FAM3C: variants seen among roughly 807,000 people sequenced by gnomAD.
FAM3C encodes the protein FAM3 metabolism regulating signaling molecule C.
A neutral mutation model predicts 32.5 loss-of-function variants in FAM3C; 15 were observed. The observed-to-expected ratio is 0.46, with a 90% confidence interval of 0.31 to 0.71. FAM3C has a LOEUF of 0.71. Ranked by LOEUF, FAM3C falls within the 30% of genes least tolerant of loss-of-function variation. The pLI is 0.05. For missense variants in FAM3C, 175 were observed against 274.4 expected (o/e 0.64, Z 2.56); for synonymous variants, 75 against 86.1 (o/e 0.87, Z 0.72).
chr7:121,375,512 TG>T (rs1794221927), intron 3 of FAM3C, among the ~76,000 whole-genome samples: 2 of 152,020 alleles, frequency 1.3e-5, no homozygotes, highest in Non-Finnish European at 2.9e-5. Context: ...TTTAAGAAAA[TG>T]GCTCTGAAAG....
rs746460769 is a variant in FAM3C, at chr7:121,360,133, G to T, written c.383-6C>A. On this transcript the variant is annotated splice_polypyrimidine_tract_variant and splice_region_variant and intron_variant, in intron 7 of 9. Transcript: ENST00000359943. ...CTCAATAAATGGTGCCACATCTGAAGAAAAAGAAAGGGTTTAGGGTTTTAA... is the reference window on the plus strand; with the variant it reads ...CTCAATAAATGGTGCCACATCTGAATAAAAAGAAAGGGTTTAGGGTTTTAA... 1.3e-6 allele frequency: 2 copies of T among 1,526,778 alleles called. No individual in the cohort carries two copies. Among genetic ancestry groups the T allele is most frequent in the Non-Finnish European group, 1.8e-6 (2 of 1,101,614 alleles). 94.6% of individuals were successfully genotyped at this position (1,526,778 alleles called of 1,614,324 possible).
intron 2 of FAM3C, 100 bp from the exon 3 acceptor site, chr7:121,379,114 T>C (rs1474675820): frequency 3.0e-6 from 2 of 667,098 alleles, no homozygotes; most frequent in South Asian, 1.9e-5. Flanking sequence ...GATCAATACA[T>C]TTCTACTTTG....
At chr7:121,363,098 ATTACT>A (rs1333077678) in intron 6 of FAM3C, 151 bp from the exon 7 acceptor site, 1 of 523,106 alleles carries the variant, frequency 1.9e-6, no homozygotes, top group Non-Finnish European at 3.3e-6. Flanking sequence ...ATCTCAAAGA[ATTACT>A]TTGAGAACTT....
chr7:121,377,307 G>A (rs1464472928), intron 3 of FAM3C, among the ~76,000 whole-genome samples: 1 of 152,056 alleles, frequency 6.6e-6, no homozygotes. Flanking sequence ...AAATTACCCA[G>A]TCTGGCAAAT....
Position 121,360,139 on chromosome 7 carries a change from G to A in FAM3C, c.383-12C>T, listed in dbSNP as rs1354367270. On this transcript the variant is annotated splice_polypyrimidine_tract_variant and intron_variant, in intron 7 of 9. Transcript: ENST00000359943. ...AAATGGTGCCACATCTGAAGAAAAA[G>A]AAAGGGTTTAGGGTTTTAAAAAATG... 1 of 1,500,298 alleles carries A rather than the reference G, an allele frequency of 6.7e-7. No individual in the cohort carries two copies. The highest frequency in any genetic ancestry group is 9.3e-7 in the Non-Finnish European group (1 of 1,077,218). The allele number at this position is 1,500,298 out of a possible 1,614,324, so 92.9% of individuals were successfully genotyped here. A position where few individuals can be genotyped will look rare whatever the true frequency, so the allele number is the denominator to read the frequency against.
intron 2 of FAM3C, among the ~76,000 whole-genome samples, 187 bp downstream of exon 2, chr7:121,382,770 T>C (rs1277558331): frequency 2.6e-5 from 4 of 151,974 alleles, no homozygotes; most frequent in African/African-American, 7.2e-5. Flanking sequence ...AAAAAAAAAT[T>C]TATGTGATAC....
intron 5 of FAM3C, among the ~76,000 whole-genome samples, chr7:121,368,852 T>C (rs1004651877): frequency 4.0e-5 from 6 of 151,854 alleles, no homozygotes; most frequent in African/African-American, 9.7e-5. Context: ...AACTGTTCCA[T>C]AACCCTCAAT....
At chr7:121,360,926 T>A (rs1378517303) in intron 7 of FAM3C, among the ~76,000 whole-genome samples, 2 of 152,186 alleles carry the variant, frequency 1.3e-5, no homozygotes, top group Non-Finnish European at 2.9e-5. Flanking sequence ...ACAGCTTTTC[T>A]CCGATTCTCA....
At chr7:121,373,686 G>T (rs1794188916) in intron 3 of FAM3C, among the ~76,000 whole-genome samples, 1 of 152,032 alleles carries the variant, frequency 6.6e-6, no homozygotes, top group Non-Finnish European at 1.5e-5. Flanking sequence ...TATACCAATG[G>T]TTTAAATCTG....
intron 3 of FAM3C, among the ~76,000 whole-genome samples, chr7:121,376,286 T>C (rs991503191): frequency 2.6e-5 from 4 of 152,194 alleles, no homozygotes; most frequent in African/African-American, 9.7e-5. Flanking sequence ...GAGAAATGGC[T>C]GAAAGGGAGG....
Position 121,378,901 on chromosome 7 carries a change from A to G in FAM3C, c.118+9T>C. The G allele has an allele frequency of 7.1e-7, 1 of 1,413,216 alleles. No individual in the cohort carries two copies. Among genetic ancestry groups the G allele is most frequent in the Non-Finnish European group, 9.8e-7 (1 of 1,024,292 alleles). The allele number at this position is 1,413,216 out of a possible 1,614,324, so 87.5% of individuals were successfully genotyped here. A position where few individuals can be genotyped will look rare whatever the true frequency, so the allele number is the denominator to read the frequency against. On this transcript the variant is annotated intron_variant, in intron 3 of 9. Coordinates refer to ENST00000359943, the MANE Select transcript of FAM3C (RefSeq NM_014888.3). ...ATAAGATTTAAGAAAGGAAAAAAAT[A>G]AAACTTACCAAATAGATTTCCTAAA... is the stretch of plus-strand genomic sequence containing the variant.
intron 5 of FAM3C, among the ~76,000 whole-genome samples, chr7:121,370,203 G>T (rs554035133): frequency 6.6e-6 from 1 of 152,222 alleles, no homozygotes; most frequent in Non-Finnish European, 1.5e-5. Flanking sequence ...AAGACAAATG[G>T]ATTAACAATA....
chr7:121,395,242 CATATATATGGATACATACAT>C (rs1794661667), intron 1 of FAM3C, among the ~76,000 whole-genome samples: 2 of 47,080 alleles, frequency 4.2e-5, no homozygotes, highest in Non-Finnish European at 8.5e-5. Context: ...TACATACATA[CATATATATGGATACATACAT>C]ATATATGGAT....
rs536368432 is a variant in FAM3C at position 121,366,799 on chromosome 7, A to C, written c.273-2611T>G. 2.0e-5 allele frequency among the ~76,000 whole-genome samples: 3 copies of C among 152,308 alleles called. No homozygotes were observed. The South Asian group carries it at 6.2e-4, about 32-fold the overall frequency. On this transcript the variant is annotated intron_variant, in intron 5 of 9. Transcript: ENST00000359943. ...ACTTAACCATTGGCTCAGCTGCATCAAAGAGAAGGAAGTTTCAAAATGTAC... is the reference window on the plus strand; with the variant it reads ...ACTTAACCATTGGCTCAGCTGCATCCAAGAGAAGGAAGTTTCAAAATGTAC...
intron 8 of FAM3C, among the ~76,000 whole-genome samples, chr7:121,355,203 T>C (rs1487894281): frequency 6.6e-6 from 1 of 152,144 alleles, no homozygotes; most frequent in Non-Finnish European, 1.5e-5. Context: ...GAATAGTAGC[T>C]CAAGAAGTCC....
chr7:121,362,492 A>G (rs938024750), intron 7 of FAM3C, among the ~76,000 whole-genome samples: 5 of 152,154 alleles, frequency 3.3e-5, no homozygotes, highest in Admixed American at 2.0e-4. Flanking sequence ...AGACTAAAAA[A>G]TCACATTTAA....
intron 4 of FAM3C, 50 bp from the exon 5 acceptor site, chr7:121,371,473 C>T: frequency 6.4e-7 from 1 of 1,565,832 alleles, no homozygotes; most frequent in South Asian, 1.1e-5. Context: ...AGTTAACAGA[C>T]TTTACCTCAC....
chr7:121,389,589 C>T (rs558905080), intron 1 of FAM3C, among the ~76,000 whole-genome samples: 1 of 152,252 alleles, frequency 6.6e-6, no homozygotes, highest in South Asian at 2.1e-4. Context: ...TACAGCATTT[C>T]TGAGTTGGCA....
chr7:121,351,464 ATTAATT>A lies in FAM3C; in HGVS notation c.468-201_468-196del, dbSNP rs1474452483. On this transcript the variant is annotated intron_variant, in intron 8 of 9. Transcript: ENST00000359943. The stretch of plus-strand genomic sequence containing the variant: ...GTGACAAAAGACATGAACTCCAACA[ATTAATT>A]TTAAGTTTATTCTATTAAAAGGACC... The A allele has an allele frequency of 9.3e-5, 46 of 494,552 alleles. No homozygotes were observed. The South Asian group carries it at 1.5e-3, about 16-fold the overall frequency. 30.6% of individuals were successfully genotyped at this position (494,552 alleles called of 1,614,324 possible).
Sources: gnomAD v4.1 joint callset for allele counts (sites outside exome capture counted in the v4.1 genomes callset) on GRCh38, gnomAD v4.1.1 for gene constraint, MANE v1.5 for transcripts, NCBI Gene and HGNC (gene_info 2026-07-23, HGNC 2026-07-21) for gene names.